The following CDH12 variants were observed in gnomAD, a reference collection of about 807,000 sequenced individuals.
CDH12 encodes cadherin-12.
Under a neutral mutation model 74.1 loss-of-function variants are expected in CDH12, and 41 were observed. The ratio of observed to expected loss-of-function variants is 0.55; its 90% CI spans 0.43 to 0.72. The LOEUF is 0.72. Ranked by LOEUF, CDH12 falls within the 30% of genes least tolerant of loss-of-function variation. The pLI, the probability that CDH12 is intolerant of heterozygous loss-of-function variation, is 0.00. For synonymous variants in CDH12, 399 were observed against 355.0 expected (o/e 1.12, Z -1.39); for missense variants, 945 against 977.2 (o/e 0.97, Z 0.44).
In CDH12 at chr5:21,765,022, C is replaced by T. The variant is rs769107121; in HGVS notation, c.1471G>A (p.Val491Met). Residue 491 changes from valine to methionine, a missense_variant, in exon 12 of 15, where the codon GTG becomes ATG. Around this residue, in one of 3 missense-constraint regions of CDH12, gnomAD observed 791 missense variants for 792.8 expected, o/e 1.00. Transcript: ENST00000382254. The stretch of plus-strand genomic sequence containing the variant: ...TCACACACGGCTGTCTCATATGGCA[C>T]AGATATTTCTGGAGGAAATTCATTT... ...DVNEFPPEIS[V>M]PYETAVCENA... The T allele has an allele frequency of 6.2e-7, 1 of 1,612,984 alleles. No homozygotes were observed. The highest frequency in any genetic ancestry group is 2.2e-5 in the East Asian group (1 of 44,798).
At chr5:22,276,340 G>T (rs1447091933) in intron 3 of CDH12, among the ~76,000 whole-genome samples, 6 of 152,020 alleles carry the variant, frequency 3.9e-5, no homozygotes, top group African/African-American at 1.4e-4. Context: ...TTTAAAGTGT[G>T]GAAAAATAAA....
At chr5:22,432,022 C>G (rs183050590) in intron 2 of CDH12, among the ~76,000 whole-genome samples, 12 of 152,140 alleles carry the variant, frequency 7.9e-5, no homozygotes, top group Admixed American at 7.2e-4. Context: ...ATTCACTCAC[C>G]CTAGGCGTTC....
At chr5:22,711,668 A>G (rs1440839877) in intron 1 of CDH12, among the ~76,000 whole-genome samples, 2 of 152,102 alleles carry the variant, frequency 1.3e-5, no homozygotes, top group Non-Finnish European at 2.9e-5. Flanking sequence ...CCATATACAT[A>G]TTCATAGGAA....
At chr5:22,333,456 T>C (rs1216961573) in intron 3 of CDH12, among the ~76,000 whole-genome samples, 1 of 152,022 alleles carries the variant, frequency 6.6e-6, no homozygotes. Context: ...ACATTCTGCA[T>C]GTGTATCCTG....
intron 3 of CDH12, among the ~76,000 whole-genome samples, chr5:22,291,328 C>A (rs1055459173): frequency 3.3e-5 from 5 of 152,114 alleles, no homozygotes; most frequent in African/African-American, 1.2e-4. Flanking sequence ...CTTGCCATTT[C>A]TATTCATTAT....
rs1350245035 is a variant in CDH12 at position 22,313,834 on chromosome 5, G to T, written c.-333+91423C>A. Among the ~76,000 whole-genome samples, 5 of 152,054 alleles carry T rather than the reference G, an allele frequency of 3.3e-5. No individual in the cohort carries two copies. The East Asian group carries it at 9.7e-4, about 29-fold the overall frequency. On this transcript the variant is annotated intron_variant, in intron 3 of 14. Transcript: ENST00000382254. ...AATTTTGGAGACTCAGAAGGGAGGG[G>T]CCCAGGGATAAAAATCTACGCATTA... is the stretch of plus-strand genomic sequence containing the variant.
At chr5:22,262,169 C>T (rs4277878) in intron 3 of CDH12, among the ~76,000 whole-genome samples, 78,203 of 151,022 alleles carry the variant, frequency 0.52, 21,117 homozygotes, top group Non-Finnish European at 0.6. Context: ...GCACATTGTG[C>T]AGGTTAGTTA....
chr5:22,362,956 A>C (rs1483874573), intron 3 of CDH12, among the ~76,000 whole-genome samples: 1 of 149,502 alleles, frequency 6.7e-6, no homozygotes, highest in Admixed American at 6.7e-5. Flanking sequence ...GGGGAGGGAT[A>C]GCATTAGGAG....
intron 4 of CDH12, among the ~76,000 whole-genome samples, chr5:22,126,002 G>T (rs536582827): frequency 2.1e-5 from 3 of 144,388 alleles, no homozygotes; most frequent in African/African-American, 7.6e-5. Flanking sequence ...ATTCATTTTG[G>T]GGGGGGGACA....
chr5:22,053,056 G>C (rs1740492082), intron 5 of CDH12, among the ~76,000 whole-genome samples: 1 of 150,714 alleles, frequency 6.6e-6, no homozygotes, highest in African/African-American at 2.4e-5. Context: ...AATACTGAGG[G>C]TCTCTCGTTT....
intron 1 of CDH12, chr5:22,639,038 G>C (rs1738992043): frequency 9.1e-6 from 1 of 110,268 alleles, no homozygotes; most frequent in Admixed American, 1.3e-4. Context: ...GCGTCAGAGT[G>C]AGAGTCCGCC....
intron 3 of CDH12, among the ~76,000 whole-genome samples, chr5:22,355,713 T>G (rs1740539064): frequency 6.6e-6 from 1 of 152,040 alleles, no homozygotes; most frequent in African/African-American, 2.4e-5. Context: ...TTGCATAATC[T>G]TGACATTCTT....
intron 1 of CDH12, among the ~76,000 whole-genome samples, chr5:22,510,538 G>A (rs1212620881): frequency 3.9e-5 from 6 of 152,070 alleles, no homozygotes; most frequent in Admixed American, 6.6e-5. Flanking sequence ...TCATCCTTAG[G>A]CAGCCACAAG....
intron 3 of CDH12, among the ~76,000 whole-genome samples, chr5:22,299,047 G>A (rs747667747): frequency 2.6e-5 from 4 of 152,130 alleles, no homozygotes; most frequent in Non-Finnish European, 5.9e-5. Context: ...AATCAGGCTG[G>A]TCAGGAAAAG....
chr5:22,296,049 T>C (rs958274682), intron 3 of CDH12, among the ~76,000 whole-genome samples: 2 of 152,114 alleles, frequency 1.3e-5, no homozygotes, highest in South Asian at 4.1e-4. Context: ...GTGTGTGAGA[T>C]CATTTAATGG....
At chr5:21,858,029 T>C (rs1325562389) in intron 6 of CDH12, among the ~76,000 whole-genome samples, 3 of 151,494 alleles carry the variant, frequency 2.0e-5, no homozygotes, top group Non-Finnish European at 4.4e-5. Flanking sequence ...CTCCCTTTTT[T>C]TTTTAATAAG....
intron 13 of CDH12, among the ~76,000 whole-genome samples, chr5:21,757,671 G>C (rs2149866538): frequency 6.6e-6 from 1 of 152,254 alleles, no homozygotes; most frequent in East Asian, 1.9e-4. Context: ...AAAGCACTCT[G>C]CTATAAGTCA....
At chr5:21,894,820 T>TA (rs1343028835) in intron 6 of CDH12, among the ~76,000 whole-genome samples, 1 of 152,112 alleles carries the variant, frequency 6.6e-6, no homozygotes, top group East Asian at 1.9e-4. Context: ...TATCCTTTAG[T>TA]AATAACTAAA....
At chr5:22,036,598 G>A (rs557510181) in intron 5 of CDH12, among the ~76,000 whole-genome samples, 34 of 152,216 alleles carry the variant, frequency 2.2e-4, no homozygotes, top group African/African-American at 7.5e-4. Context: ...TTTGCCAAGA[G>A]TTATTTTGGA....
Sources: allele counts gnomAD v4.1 joint callset (sites outside exome capture counted in the v4.1 genomes callset), GRCh38; gene constraint gnomAD v4.1.1; regional missense constraint gnomAD v4.1.1; transcripts MANE v1.5; gene names NCBI Gene and HGNC (gene_info 2026-07-23, HGNC 2026-07-21).